TRAPPC8: variants seen among roughly 807,000 people sequenced by gnomAD.
TRAPPC8 encodes trafficking protein particle complex subunit 8.
Under a neutral mutation model 174.3 loss-of-function variants are expected in TRAPPC8, and 54 were observed. The observed-to-expected ratio is 0.31, with a 90% CI of 0.25 to 0.39. The LOEUF (loss-of-function observed/expected upper bound fraction) is 0.39. TRAPPC8 is among the 10% of genes least tolerant of loss of function. The pLI, the probability that TRAPPC8 is intolerant of heterozygous loss-of-function variation, is 1.00. For missense variants in TRAPPC8, 1,531 were observed against 1,699.1 expected (o/e 0.90, Z 1.74); for synonymous variants, 630 against 579.9 (o/e 1.09, Z -1.24).
At chr18:31,937,207 C>T (rs1249824524) in intron 1 of TRAPPC8, among the ~76,000 whole-genome samples, 4 of 151,868 alleles carry the variant, frequency 2.6e-5, no homozygotes, top group African/African-American at 4.8e-5. Flanking sequence ...AGCGAGACTC[C>T]GTCTCAAAAA....
chr18:31,913,484 C>A lies in TRAPPC8; in HGVS notation c.656G>T (p.Gly219Val). 6.2e-7 allele frequency: 1 copy of A among 1,603,984 alleles called. No homozygotes were observed. The highest frequency in any genetic ancestry group is 1.1e-5 in the South Asian group (1 of 88,560). Reference sequence around the variant, plus strand: ...TTTAAGTAAATAGCAACCCTGAGTTCCATATTTCTGTTTCATTTCTTCATA... The same window carrying A: ...TTTAAGTAAATAGCAACCCTGAGTTACATATTTCTGTTTCATTTCTTCATA... ...SIYEEMKQKY[G>V]TQGCYLLKIN... The change falls in exon 5 of 29, where the codon GGA becomes GTA. Residue 219 changes from glycine to valine, a missense_variant. Gly to Val is a moderately radical substitution (Grantham distance 109). Transcript: ENST00000283351.
intron 11 of TRAPPC8, among the ~76,000 whole-genome samples, chr18:31,894,050 C>G (rs541911404): frequency 6.6e-6 from 1 of 152,298 alleles, no homozygotes; most frequent in East Asian, 1.9e-4. Context: ...AAATTTAACA[C>G]TCAAGAACTG....
At chr18:31,843,978 T>A (rs945035097) in intron 26 of TRAPPC8, among the ~76,000 whole-genome samples, 1 of 152,200 alleles carries the variant, frequency 6.6e-6, no homozygotes, top group Admixed American at 6.5e-5. Context: ...AAAAGCCACT[T>A]TGTAACCTGC....
chr18:31,920,692 C>A (rs958675285), intron 2 of TRAPPC8, among the ~76,000 whole-genome samples: 1 of 152,024 alleles, frequency 6.6e-6, no homozygotes, highest in African/African-American at 2.4e-5. Context: ...GTAATCCCAA[C>A]ACTTTGGGAG....
At chr18:31,845,350 G>A (rs1316692168) in intron 26 of TRAPPC8, among the ~76,000 whole-genome samples, 1 of 151,966 alleles carries the variant, frequency 6.6e-6, no homozygotes, top group Non-Finnish European at 1.5e-5. Flanking sequence ...ATCCTGGATA[G>A]AAAAGAGCAA....
At chr18:31,834,065 C>T (rs548937251) in intron 27 of TRAPPC8, among the ~76,000 whole-genome samples, 1 of 149,042 alleles carries the variant, frequency 6.7e-6, no homozygotes, top group East Asian at 2.0e-4. Context: ...AATACTAATG[C>T]TCCTGGTCTG....
At chr18:31,883,000 G>A (rs2035530678) in intron 12 of TRAPPC8, among the ~76,000 whole-genome samples, 1 of 147,094 alleles carries the variant, frequency 6.8e-6, no homozygotes, top group African/African-American at 2.5e-5. Flanking sequence ...TGAGGTGGGT[G>A]GATCACGAGT....
intron 11 of TRAPPC8, among the ~76,000 whole-genome samples, chr18:31,891,946 A>C (rs1186612956): frequency 6.6e-6 from 1 of 152,204 alleles, no homozygotes; most frequent in Non-Finnish European, 1.5e-5. Context: ...TCCTCCTGAC[A>C]AAAACTAAAT....
chr18:31,911,334 G>C (rs2036893789), intron 5 of TRAPPC8, among the ~76,000 whole-genome samples: 1 of 151,812 alleles, frequency 6.6e-6, no homozygotes, highest in Admixed American at 6.6e-5. Flanking sequence ...CTAGCCAACA[G>C]GGTGAAACCC....
At chr18:31,895,552 AT>A (rs1419235642) in intron 11 of TRAPPC8, among the ~76,000 whole-genome samples, 2 of 152,358 alleles carry the variant, frequency 1.3e-5, no homozygotes, top group South Asian at 4.1e-4. Flanking sequence ...ATGACAAAAA[AT>A]AACACGGTTA....
chr18:31,901,664 C>G (rs1474673380), intron 9 of TRAPPC8, among the ~76,000 whole-genome samples: 1 of 152,208 alleles, frequency 6.6e-6, no homozygotes, highest in Non-Finnish European at 1.5e-5. Context: ...AAGGCTCAGG[C>G]AAATATAAGG....
intron 9 of TRAPPC8, among the ~76,000 whole-genome samples, chr18:31,902,213 C>T (rs2036458420): frequency 1.3e-5 from 2 of 152,184 alleles, no homozygotes; most frequent in African/African-American, 2.4e-5. Context: ...TGCCTGTAAT[C>T]CTAGCTACTC....
rs2036781397 is a variant in TRAPPC8 at position 31,908,844 on chromosome 18, A to G, written c.1032T>C (p.Asp344=). The G allele has an allele frequency of 6.2e-7, 1 of 1,613,700 alleles. No individual in the cohort carries two copies. Among genetic ancestry groups the G allele is most frequent in the African/African-American group, 1.3e-5 (1 of 74,912 alleles). Reference sequence around the variant, plus strand: ...GTATAAACTGTCGAATTCTATCATGATCAGTAAGTGTTAAACATGCACCAT... The same window carrying G: ...GTATAAACTGTCGAATTCTATCATGGTCAGTAAGTGTTAAACATGCACCAT... ...IIHGACLTLT[D]HDRIRQFIQE... is the part of the protein sequence containing the mutation. Residue 344 remains aspartate, a synonymous_variant, in exon 7 of 29, where the codon GAT becomes GAC. Coordinates refer to ENST00000283351, the MANE Select transcript of TRAPPC8 (RefSeq NM_014939.5).
chr18:31,911,408 G>C (rs1201753081), intron 5 of TRAPPC8, among the ~76,000 whole-genome samples: 1 of 150,156 alleles, frequency 6.7e-6, no homozygotes, highest in African/African-American at 2.5e-5. Flanking sequence ...CCGAGATCTC[G>C]CCACTTCACT....
At chr18:31,914,263 C>G (rs1255875757) in intron 4 of TRAPPC8, among the ~76,000 whole-genome samples, 1 of 150,320 alleles carries the variant, frequency 6.7e-6, no homozygotes, top group Non-Finnish European at 1.5e-5. Context: ...ATATTACGCA[C>G]TAAAAAATTA....
intron 9 of TRAPPC8, among the ~76,000 whole-genome samples, chr18:31,903,931 TG>T (rs1230054357): frequency 6.7e-6 from 1 of 150,156 alleles, no homozygotes; most frequent in African/African-American, 2.4e-5. Flanking sequence ...TATACAATGG[TG>T]GTTAAAGGAT....
rs146321959 is a variant in TRAPPC8 at position 31,885,106 on chromosome 18, G to A, written c.1728+5629C>T. Among the ~76,000 whole-genome samples, 383 of 152,016 alleles carry A rather than the reference G, an allele frequency of 2.5e-3. 1 individual carries two copies. The highest frequency in any genetic ancestry group is 8.8e-3 in the African/African-American group (364 of 41,500). On this transcript the variant is annotated intron_variant, in intron 12 of 28. Coordinates refer to ENST00000283351, the MANE Select transcript of TRAPPC8 (RefSeq NM_014939.5). ...TCTCCTGACCTCGTGATCCGCCTGC[G>A]TCGGCCTCCCAAAGTGCTGGGATTA... is the stretch of plus-strand genomic sequence containing the variant.
intron 3 of TRAPPC8, 107 bp from the exon 4 acceptor site, chr18:31,916,553 G>C: frequency 8.4e-7 from 1 of 1,192,510 alleles, no homozygotes. Context: ...TTGTTTCTGA[G>C]ACAAAGTCTC....
intron 17 of TRAPPC8, 152 bp from the exon 18 acceptor site, chr18:31,867,127 T>C (rs898901134): frequency 1.1e-6 from 1 of 877,548 alleles, no homozygotes. Flanking sequence ...CAAAAGAAAA[T>C]GTCTAAATTT....
Sources: allele counts gnomAD v4.1 joint callset (sites outside exome capture counted in the v4.1 genomes callset), GRCh38; gene constraint gnomAD v4.1.1; transcripts MANE v1.5; gene names NCBI Gene and HGNC (gene_info 2026-07-23, HGNC 2026-07-21).